Variants in CBX5 observed in about 807,000 individuals in gnomAD.
The protein encoded by CBX5 is chromobox protein homolog 5.
Under a neutral mutation model 20.7 loss-of-function variants are expected in CBX5, and 7 were observed. The ratio of observed to expected loss-of-function variants is 0.34; its 90% CI spans 0.19 to 0.63. The LOEUF (loss-of-function observed/expected upper bound fraction) is 0.63, where lower values mean the gene tolerates loss of function less well. Among genes scored for constraint, CBX5 ranks in the 30% least tolerant of loss-of-function variants. CBX5 has a pLI of 0.75. For missense variants in CBX5, 110 were observed against 224.1 expected (o/e 0.49, Z 3.25); for synonymous variants, 78 against 77.0 (o/e 1.01, Z -0.07).
At chr12:54,260,543 TA>T (rs200040287) in intron 1 of CBX5, among the ~76,000 whole-genome samples, 129 of 140,340 alleles carry the variant, frequency 9.2e-4, no homozygotes, top group Middle Eastern at 3.5e-3. Flanking sequence ...CTAAGAAGCT[TA>T]AAAAAAAAAA....
At chr12:54,265,774 G>A (rs565006635) in intron 1 of CBX5, among the ~76,000 whole-genome samples, 2 of 152,288 alleles carry the variant, frequency 1.3e-5, no homozygotes, top group South Asian at 4.1e-4. Context: ...TGGGCACAAC[G>A]GCTCACGGCT....
chr12:54,277,719 G>A (rs992073426), intron 1 of CBX5, among the ~76,000 whole-genome samples: 12 of 152,110 alleles, frequency 7.9e-5, no homozygotes, highest in Admixed American at 7.9e-4. Context: ...ATAACATCAG[G>A]ATTTAGTGAT....
intron 2 of CBX5, among the ~76,000 whole-genome samples, chr12:54,254,140 G>A (rs1285751929): frequency 2.0e-5 from 3 of 151,886 alleles, no homozygotes; most frequent in African/African-American, 7.3e-5. Flanking sequence ...AGCCAGGCAC[G>A]GTGGCTCATG....
intron 1 of CBX5, chr12:54,271,851 A>G (rs1026166262): frequency 7.2e-5 from 11 of 152,252 alleles, no homozygotes; most frequent in African/African-American, 2.7e-4. Flanking sequence ...GAAGTTAAAA[A>G]AATTTTAATG....
rs1175677300 is a variant in CBX5 at position 54,246,202 on chromosome 12, A to G, written c.338T>C (p.Ile113Thr). The change falls in exon 4 of 5, where the codon ATC becomes ACC. Residue 113 changes from isoleucine to threonine, a missense_variant. Physicochemically the swap from Ile to Thr is moderately conservative, Grantham distance 89. Transcript: ENST00000209875. ...SKKKREQSND[I>T]ARGFERGLEP... Reference sequence around the variant, plus strand: ...CAGTCCTCTCTCAAAGCCCCGAGCGATATCATTGCTCTGCTATAAATAGAA... The same window carrying G: ...CAGTCCTCTCTCAAAGCCCCGAGCGGTATCATTGCTCTGCTATAAATAGAA... The G allele has an allele frequency of 1.2e-6, 2 of 1,612,244 alleles. No homozygotes were observed. The highest frequency in any genetic ancestry group is 8.5e-7 in the Non-Finnish European group (1 of 1,178,358).
intron 4 of CBX5, among the ~76,000 whole-genome samples, chr12:54,244,177 T>A (rs1272782760): frequency 1.3e-5 from 2 of 151,044 alleles, no homozygotes; most frequent in East Asian, 4.2e-4. Flanking sequence ...ATTTTTTTTT[T>A]TTATTTTTAG....
Position 54,276,060 on chromosome 12 carries a change from T to G in CBX5, c.-43+3948A>C, listed in dbSNP as rs73321081. Among the ~76,000 whole-genome samples, 313 of 151,612 alleles carry G rather than the reference T, an allele frequency of 2.1e-3. 3 individuals are homozygous for G. The highest frequency in any genetic ancestry group is 7.3e-3 in the African/African-American group (302 of 41,280). On this transcript the variant is annotated intron_variant, in intron 1 of 4. Transcript: ENST00000209875. ...CAATATTTTTATTGTTTTCCCTCTT[T>G]AAGCATTGTGAGACTTCACAATAAA...
chr12:54,270,283 T>C (rs1400815055), intron 1 of CBX5, among the ~76,000 whole-genome samples: 3 of 152,134 alleles, frequency 2.0e-5, no homozygotes, highest in Non-Finnish European at 4.4e-5. Context: ...CATCCCACAA[T>C]TTTGTTTTGT....
intron 3 of CBX5, among the ~76,000 whole-genome samples, chr12:54,246,810 C>T (rs571207042): frequency 2.0e-5 from 3 of 147,382 alleles, no homozygotes; most frequent in South Asian, 2.1e-4. Flanking sequence ...AGAAAAGGGG[C>T]GAAAAGAAAG....
intron 1 of CBX5, chr12:54,276,881 G>A (rs1265806243): frequency 6.6e-6 from 1 of 152,120 alleles, no homozygotes; most frequent in Non-Finnish European, 1.5e-5. Context: ...AAGAATCCCA[G>A]GAAAAGAAAG....
At position 54,232,043 on chromosome 12, in the gene CBX5, T is replaced by C. The variant is rs984812680; in HGVS notation, c.*9712A>G. ...ACAGTCTGAGTCTGCTTCAAACCCATGGGGAAAGGAACTTTAATCCCCAAC... is the reference window on the plus strand; with the variant it reads ...ACAGTCTGAGTCTGCTTCAAACCCACGGGGAAAGGAACTTTAATCCCCAAC... On this transcript the variant is annotated 3_prime_UTR_variant, in exon 5 of 5. Coordinates refer to ENST00000209875, the MANE Select transcript of CBX5 (RefSeq NM_012117.3). The C allele has an allele frequency of 5.9e-5, 9 of 152,146 alleles. No homozygotes were observed. The highest frequency in any genetic ancestry group is 2.2e-4 in the African/African-American group (9 of 41,410). 9.4% of individuals were successfully genotyped at this position (152,146 alleles called of 1,614,324 possible). A position where few individuals can be genotyped will look rare whatever the true frequency, so the allele number is the denominator to read the frequency against.
In CBX5 at chr12:54,238,639, C is replaced by T. The variant is rs1178493488; in HGVS notation, c.*3116G>A. The stretch of plus-strand genomic sequence containing the variant: ...GATTGTTATTTGAAGAAGAAAACAT[C>T]ATGGTTCTCTCCAGGTTTAAAATGG... On this transcript the variant is annotated 3_prime_UTR_variant, in exon 5 of 5. Coordinates refer to ENST00000209875, the MANE Select transcript of CBX5 (RefSeq NM_012117.3). The T allele has an allele frequency of 6.6e-6, 1 of 152,140 alleles. No individual in the cohort carries two copies. The highest frequency in any genetic ancestry group is 1.5e-5 in the Non-Finnish European group (1 of 68,028). 9.4% of individuals were successfully genotyped at this position (152,140 alleles called of 1,614,324 possible). A position where few individuals can be genotyped will look rare whatever the true frequency, so the allele number is the denominator to read the frequency against.
chr12:54,252,482 G>A (rs1943816384), intron 2 of CBX5: 2 of 365,740 alleles, frequency 5.5e-6, no homozygotes. Flanking sequence ...AAATTCAAAT[G>A]TTCATCAATG....
intron 1 of CBX5, chr12:54,258,471 T>TG (rs1342659692): frequency 2.6e-5 from 4 of 152,156 alleles, no homozygotes; most frequent in Admixed American, 6.5e-5. Flanking sequence ...TAACTGAAGT[T>TG]GACTCAGGGC....
intron 2 of CBX5, 91 bp from the exon 3 acceptor site, chr12:54,252,318 G>A (rs1249667840): frequency 1.6e-5 from 13 of 790,946 alleles, no homozygotes; most frequent in African/African-American, 5.5e-5. Flanking sequence ...GAGGACATTC[G>A]GACAAAAAGG....
In CBX5 at chr12:54,252,027, GA is replaced by G; in HGVS notation, c.324+13del. ...AAAAGAATAGTTTTTGGGGAAAAGG[GA>G]AAGGAAGCTTACCTCTCTCTTTTTT... On this transcript the variant is annotated intron_variant, in intron 3 of 4. Transcript: ENST00000209875. 6.5e-7 allele frequency: 1 copy of G among 1,541,924 alleles called. No homozygotes were observed. Among genetic ancestry groups the G allele is most frequent in the Non-Finnish European group, 8.7e-7 (1 of 1,150,112 alleles).
In CBX5 at chr12:54,254,379, A is replaced by AT. The variant is rs534498307; in HGVS notation, c.138-2153_138-2152insA. 3.2e-4 allele frequency among the ~76,000 whole-genome samples: 49 copies of AT among 151,862 alleles called. No homozygotes were observed. In the East Asian group the frequency reaches 6.6e-3, roughly 20 times the overall value. ...GGTTTATTTAGATGGGAATGATTTG[A>AT]ACACATGCCATAATAACCTGACTCA... On this transcript the variant is annotated intron_variant, in intron 2 of 4. Transcript: ENST00000209875.
chr12:54,276,780 C>T (rs2137034485), intron 1 of CBX5: 1 of 152,290 alleles, frequency 6.6e-6, no homozygotes, highest in East Asian at 1.9e-4. Flanking sequence ...GAGTACTCTG[C>T]ACGTTTAGTG....
At chr12:54,279,971 G>A (rs1256846953) in intron 1 of CBX5, 37 bp downstream of exon 1, 1 of 143,958 alleles carries the variant, frequency 6.9e-6, no homozygotes, top group Non-Finnish European at 1.5e-5. Flanking sequence ...GTCAGTTCAA[G>A]ACCTACTATG....
Sources: allele counts gnomAD v4.1 joint callset (sites outside exome capture counted in the v4.1 genomes callset), GRCh38; gene constraint gnomAD v4.1.1; transcripts MANE v1.5; gene names NCBI Gene and HGNC (gene_info 2026-07-23, HGNC 2026-07-21).